FPR2: variants seen among roughly 807,000 people sequenced by gnomAD.
FPR2 encodes formyl peptide receptor 2, also known as N-formyl peptide receptor 2.
FPR2 carries 3 observed loss-of-function variants against 4.0 expected under a neutral mutation model. The ratio of observed to expected loss-of-function variants is 0.74; its 90% CI spans 0.34 to 1.92. FPR2 has a LOEUF of 1.92. FPR2 is among the 30% of genes most tolerant of loss of function. FPR2 has a pLI of 0.07. For missense variants in FPR2, 372 were observed against 435.7 expected (o/e 0.85, Z 1.30); for synonymous variants, 179 against 171.5 (o/e 1.04, Z -0.34).
chr19:51,765,928 G>GTA (rs56111304), intron 1 of FPR2, among the ~76,000 whole-genome samples: 12,038 of 151,782 alleles, frequency 0.079, 579 homozygotes, highest in South Asian at 0.17. Flanking sequence ...TCAGAGCCCA[G>GTA]TATATATATA....
intron 1 of FPR2, among the ~76,000 whole-genome samples, chr19:51,766,358 CA>C (rs1387905159): frequency 7.8e-6 from 1 of 127,554 alleles, no homozygotes; most frequent in Non-Finnish European, 1.7e-5. Context: ...GGATAGAGGC[CA>C]GGGGGGCTGC....
At chr19:51,761,461 A>C (rs77484588) in intron 1 of FPR2, among the ~76,000 whole-genome samples, 13,660 of 152,276 alleles carry the variant, frequency 0.09, 736 homozygotes, top group South Asian at 0.17. Context: ...AATAACTTTC[A>C]TTTTGGTAAC....
chr19:51,763,455 T>G (rs2083851975), intron 1 of FPR2: 1 of 152,206 alleles, frequency 6.6e-6, no homozygotes, highest in Non-Finnish European at 1.5e-5. Flanking sequence ...AGAACCAATA[T>G]GGATTTGCAC....
intron 1 of FPR2, among the ~76,000 whole-genome samples, chr19:51,764,564 C>T (rs1356782874): frequency 3.9e-5 from 6 of 152,182 alleles, no homozygotes; most frequent in Non-Finnish European, 7.4e-5. Flanking sequence ...CTTCCGCTCT[C>T]TGAGCCGTAC....
At chr19:51,767,390 A>T (rs1169973673) in intron 1 of FPR2, among the ~76,000 whole-genome samples, 2 of 152,014 alleles carry the variant, frequency 1.3e-5, no homozygotes, top group Non-Finnish European at 2.9e-5. Flanking sequence ...TAAAAGAAAA[A>T]AACAAAAACA....
intron 1 of FPR2, chr19:51,768,240 T>G (rs2083878588): frequency 5.9e-6 from 1 of 168,436 alleles, no homozygotes; most frequent in African/African-American, 2.4e-5. Context: ...TGAAAGAGAT[T>G]GCAGAGCTTG....
intron 1 of FPR2, among the ~76,000 whole-genome samples, chr19:51,764,860 T>C (rs959354747): frequency 6.6e-6 from 1 of 152,162 alleles, no homozygotes. Context: ...AGAGTCTCGC[T>C]CTTTCACCCA....
At chr19:51,766,415 A>G (rs140756284) in intron 1 of FPR2, among the ~76,000 whole-genome samples, 6 of 152,334 alleles carry the variant, frequency 3.9e-5, no homozygotes, top group African/African-American at 1.4e-4. Flanking sequence ...ACGAAGAATT[A>G]CCCAGACCCA....
chr19:51,768,739 C>T lies in FPR2; in HGVS notation c.81C>T (p.Ile27=), dbSNP rs1169930786. 1 of 1,614,160 alleles carries T rather than the reference C, an allele frequency of 6.2e-7. No homozygotes were observed. Among genetic ancestry groups the T allele is most frequent in the Non-Finnish European group, 8.5e-7 (1 of 1,180,028 alleles). The change falls in exon 2 of 2, where the codon ATC becomes ATT. Residue 27 remains isoleucine, a synonymous_variant. Coordinates refer to ENST00000340023, the MANE Select transcript of FPR2 (RefSeq NM_001005738.2). ...YESAGYTVLR[I]LPLVVLGVTF... ...CTGCTGGCTACACTGTTCTGCGGATCCTCCCATTGGTGGTGCTTGGGGTCA... is the reference window on the plus strand; with the variant it reads ...CTGCTGGCTACACTGTTCTGCGGATTCTCCCATTGGTGGTGCTTGGGGTCA...
intron 1 of FPR2, chr19:51,768,283 A>T: frequency 5.3e-6 from 1 of 188,674 alleles, no homozygotes; most frequent in African/African-American, 2.3e-5. Context: ...TGGGAGACAC[A>T]GATGTGAGCC....
chr19:51,766,329 A>G (rs1243538840), intron 1 of FPR2, among the ~76,000 whole-genome samples: 2 of 152,158 alleles, frequency 1.3e-5, no homozygotes, highest in Non-Finnish European at 2.9e-5. Context: ...CTGGAGAAGG[A>G]GTTGCTACTG....
At chr19:51,768,608 C>T (rs367657410) in intron 1 of FPR2, 37 bp from the exon 2 acceptor site, 492 of 1,489,790 alleles carry the variant, frequency 3.3e-4, no homozygotes, top group Non-Finnish European at 4.2e-4. Flanking sequence ...TAAGATGGTT[C>T]CACAGCTGAG....
Position 51,769,347 on chromosome 19 carries a change from A to G in FPR2, c.689A>G (p.Lys230Arg). The stretch of plus-strand genomic sequence containing the variant: ...GGGCTCATTGCAGCCAAGATCCACA[A>G]AAAGGGCATGATTAAATCCAGCCGT... The part of the protein sequence containing the change: ...CYGLIAAKIH[K>R]KGMIKSSRPL... The change falls in exon 2 of 2, where the codon AAA becomes AGA. Residue 230 changes from lysine to arginine, a missense_variant. By Grantham distance (26) the Lys-to-Arg change is conservative (BLOSUM62 2). Coordinates refer to ENST00000340023, the MANE Select transcript of FPR2 (RefSeq NM_001005738.2). The surrounding 1 kb of genome is among the most constrained non-coding windows in gnomAD (Gnocchi z 4.4). The G allele has an allele frequency of 1.2e-6, 2 of 1,614,194 alleles. No individual in the cohort carries two copies. The highest frequency in any genetic ancestry group is 1.7e-6 in the Non-Finnish European group (2 of 1,180,036).
chr19:51,766,005 C>T (rs1291720246), intron 1 of FPR2, among the ~76,000 whole-genome samples: 3 of 152,148 alleles, frequency 2.0e-5, no homozygotes, highest in South Asian at 2.1e-4. Context: ...CTGCAACCTC[C>T]GCCTCCCGGG....
chr19:51,769,071 C>A lies in FPR2; in HGVS notation c.413C>A (p.Thr138Asn). The change falls in exon 2 of 2, where the codon ACT becomes AAT. Residue 138 changes from threonine to asparagine, a missense_variant. Transcript: ENST00000340023. The surrounding 1 kb of genome is among the most constrained non-coding windows in gnomAD (Gnocchi z 4.4). ...CCAGTCTGGGCCCAGAACCACCGCA[C>A]TGTGAGTCTGGCCATGAAGGTGATC... Reference protein sequence around the residue: ...LHPVWAQNHRTVSLAMKVIVG... With the variant: ...LHPVWAQNHRNVSLAMKVIVG... The A allele has an allele frequency of 6.2e-7, 1 of 1,614,216 alleles. No homozygotes were observed. The highest frequency in any genetic ancestry group is 8.5e-7 in the Non-Finnish European group (1 of 1,180,044).
chr19:51,765,141 A>T (rs922389455), intron 1 of FPR2, among the ~76,000 whole-genome samples: 2 of 152,194 alleles, frequency 1.3e-5, no homozygotes, highest in Non-Finnish European at 2.9e-5. Flanking sequence ...TCAACATTTT[A>T]AAATGAATTT....
chr19:51,763,867 TC>T (rs2083853927), intron 1 of FPR2, among the ~76,000 whole-genome samples: 2 of 152,174 alleles, frequency 1.3e-5, no homozygotes, highest in Admixed American at 1.3e-4. Flanking sequence ...CAAGAGGTCT[TC>T]CTGCCTCAGC....
intron 1 of FPR2, chr19:51,762,267 T>A (rs1017396182): frequency 6.6e-6 from 1 of 151,612 alleles, no homozygotes; most frequent in African/African-American, 2.4e-5. Context: ...TGTGTTTTTT[T>A]AGTAGAGACG....
Position 51,769,524 on chromosome 19 carries a change from C to T in FPR2, c.866C>T (p.Ser289Phe), listed in dbSNP as rs1461640602. ...GACATCCTGGTTAACCCAACGAGCT[C>T]CCTGGCCTTCTTCAACAGCTGCCTC... ...IIDILVNPTS[S>F]LAFFNSCLNP... is the part of the protein sequence containing the mutation. Residue 289 changes from serine (S) to phenylalanine (F), a missense_variant, in exon 2 of 2, where the codon TCC becomes TTC. Physicochemically the swap from Ser to Phe is radical, Grantham distance 155. Transcript: ENST00000340023. The surrounding 1 kb of genome is among the most constrained non-coding windows in gnomAD (Gnocchi z 4.4). 2 of 1,614,142 alleles carry T rather than the reference C, an allele frequency of 1.2e-6. No homozygotes were observed.
Sources: allele counts gnomAD v4.1 joint callset (sites outside exome capture counted in the v4.1 genomes callset), GRCh38; gene constraint gnomAD v4.1.1; non-coding constraint Gnocchi (gnomAD v3.1); transcripts MANE v1.5; gene names NCBI Gene and HGNC (gene_info 2026-07-23, HGNC 2026-07-21).